Variants in QTMAN observed in about 807,000 individuals in gnomAD.
QTMAN encodes the protein tRNA-queuosine alpha-mannosyltransferase.
At chr2:144,030,229 A>G in the QTMAN span, among the ~76,000 whole-genome samples, 5 of 152,264 alleles carry the variant, frequency 3.3e-5, no homozygotes, top group African/African-American at 1.2e-4. Context: ...CCCCATCTAA[A>G]TCTTCTTTCC....
At chr2:144,251,133 ACT>A in the QTMAN span, among the ~76,000 whole-genome samples, 3 of 152,086 alleles carry the variant, frequency 2.0e-5, no homozygotes, top group Non-Finnish European at 4.4e-5. Flanking sequence ...CCATTGTGAC[ACT>A]GTTTCCGCTG....
the QTMAN span, chr2:143,944,492 G>C: frequency 6.6e-6 from 1 of 151,948 alleles, no homozygotes; most frequent in South Asian, 2.1e-4. Context: ...GCCCAGGCTG[G>C]AGTGCAGTGG....
At chr2:143,974,615 A>C in the QTMAN span, among the ~76,000 whole-genome samples, 1 of 152,210 alleles carries the variant, frequency 6.6e-6, no homozygotes, top group Non-Finnish European at 1.5e-5. Context: ...TTCTAAGACA[A>C]ATGAATGTGT....
At chr2:144,160,144 C>G in the QTMAN span, among the ~76,000 whole-genome samples, 4 of 151,930 alleles carry the variant, frequency 2.6e-5, no homozygotes, top group African/African-American at 4.8e-5. Context: ...AATGTACCTT[C>G]AAGATTTTGA....
the QTMAN span, among the ~76,000 whole-genome samples, chr2:144,068,348 GT>G: frequency 6.6e-6 from 1 of 152,042 alleles, no homozygotes; most frequent in Non-Finnish European, 1.5e-5. Flanking sequence ...TGAATCCACA[GT>G]TCTGTTTGAC....
At chr2:144,299,727 C>A in the QTMAN span, among the ~76,000 whole-genome samples, 1 of 152,126 alleles carries the variant, frequency 6.6e-6, no homozygotes, top group African/African-American at 2.4e-5. Flanking sequence ...TATAGCAGTT[C>A]TTCAAAAAAT....
the QTMAN span, among the ~76,000 whole-genome samples, chr2:144,045,051 C>T: frequency 1.3e-5 from 2 of 152,178 alleles, no homozygotes; most frequent in African/African-American, 4.8e-5. Flanking sequence ...TGTAGTTATA[C>T]TCAAATACTT....
At chr2:144,239,267 T>C in the QTMAN span, among the ~76,000 whole-genome samples, 20 of 152,248 alleles carry the variant, frequency 1.3e-4, no homozygotes, top group Non-Finnish European at 1.9e-4. Context: ...AAATAAATGT[T>C]TGGAAGTCAG....
At chr2:144,000,435 G>C in the QTMAN span, among the ~76,000 whole-genome samples, 1 of 151,830 alleles carries the variant, frequency 6.6e-6, no homozygotes, top group Non-Finnish European at 1.5e-5. Context: ...TGTAACTAAA[G>C]AAAACTTATC....
the QTMAN span, among the ~76,000 whole-genome samples, chr2:144,328,010 G>C: frequency 6.6e-6 from 1 of 152,130 alleles, no homozygotes; most frequent in Non-Finnish European, 1.5e-5. Context: ...GGCGTGCAGT[G>C]GTGCCATCTC....
the QTMAN span, among the ~76,000 whole-genome samples, chr2:144,096,509 T>C: frequency 6.6e-6 from 1 of 152,254 alleles, no homozygotes; most frequent in Non-Finnish European, 1.5e-5. Context: ...CTCAGTTTTA[T>C]TACTGTGTCA....
the QTMAN span, among the ~76,000 whole-genome samples, chr2:144,085,292 T>C: frequency 6.6e-6 from 1 of 152,354 alleles, no homozygotes; most frequent in South Asian, 2.1e-4. Flanking sequence ...TCCTAGGACA[T>C]GCACTAAAAG....
At chr2:144,108,414 C>A in the QTMAN span, among the ~76,000 whole-genome samples, 1 of 152,102 alleles carries the variant, frequency 6.6e-6, no homozygotes. Context: ...CCAAGGCGGG[C>A]AGATCCCGAG....
the QTMAN span, among the ~76,000 whole-genome samples, chr2:144,247,732 G>A: frequency 6.6e-6 from 1 of 152,136 alleles, no homozygotes; most frequent in Admixed American, 6.5e-5. Flanking sequence ...GGAGAGCAGT[G>A]GCACAATTTC....
At chr2:144,150,420 T>C in the QTMAN span, among the ~76,000 whole-genome samples, 1 of 152,198 alleles carries the variant, frequency 6.6e-6, no homozygotes, top group Admixed American at 6.6e-5. Context: ...ACTGTCCACA[T>C]ATGACTAGCT....
chr2:144,290,055 C>T, the QTMAN span, among the ~76,000 whole-genome samples: 4 of 152,136 alleles, frequency 2.6e-5, no homozygotes, highest in East Asian at 1.9e-4. Flanking sequence ...AAATAAGGCA[C>T]GCCAAGCTGT....
the QTMAN span, among the ~76,000 whole-genome samples, chr2:143,993,612 A>G: frequency 1.3e-5 from 2 of 152,178 alleles, no homozygotes; most frequent in African/African-American, 4.8e-5. Flanking sequence ...CTGCAGATTG[A>G]TTGGTGGCAG....
the QTMAN span, among the ~76,000 whole-genome samples, chr2:144,049,247 C>G: frequency 6.6e-6 from 1 of 152,096 alleles, no homozygotes; most frequent in Non-Finnish European, 1.5e-5. Context: ...TGCTGTTTTC[C>G]TTGTTCACAG....
the QTMAN span, chr2:143,938,099 A>T: frequency 6.6e-6 from 1 of 152,206 alleles, no homozygotes; most frequent in African/African-American, 2.4e-5. Context: ...ATTCCATTTT[A>T]TTGGCCTGGT....
Sources: gnomAD v4.1 joint callset for allele counts (sites outside exome capture counted in the v4.1 genomes callset) on GRCh38, gnomAD v4.1.1 for gene constraint, MANE v1.5 for transcripts, NCBI Gene and HGNC (gene_info 2026-07-23, HGNC 2026-07-21) for gene names.